KLF6: variants seen among roughly 807,000 people sequenced by gnomAD.
The protein encoded by KLF6 is KLF transcription factor 6.
For missense variants in KLF6, 233 were observed against 359.8 expected (o/e 0.65, Z 2.85); for synonymous variants, 152 against 147.9 (o/e 1.03, Z -0.20).
rs1832457177 is a variant in KLF6, at chr10:3,778,946, A to G, written c.*593T>C. The G allele has an allele frequency of 1.9e-6, 1 of 534,608 alleles. No homozygotes were observed. The highest frequency in any genetic ancestry group is 3.6e-6 in the Non-Finnish European group (1 of 276,554). The allele number at this position is 534,608 out of a possible 1,614,324, so 33.1% of individuals were successfully genotyped here. A position where few individuals can be genotyped will look rare whatever the true frequency, so the allele number is the denominator to read the frequency against. ...CCTCTCACACAGAAAAGGGGGAGAG[A>G]GGCTCTCCCTCCCCACACCACTCGC... On this transcript the variant is annotated 3_prime_UTR_variant, in exon 4 of 4. Transcript: ENST00000497571.
chr10:3,777,718 T>A lies in KLF6; in HGVS notation c.*1821A>T, dbSNP rs1354857985. ...GGAATTTTCTAGCTAAACATTCTAG[T>A]TTCTCCTTAAAAAAAATATTTATAT... On this transcript the variant is annotated 3_prime_UTR_variant, in exon 4 of 4. Transcript: ENST00000497571. 2.7e-6 allele frequency: 1 copy of A among 370,268 alleles called. No individual in the cohort carries two copies. Among genetic ancestry groups the A allele is most frequent in the East Asian group, 6.1e-5 (1 of 16,470 alleles). The allele number at this position is 370,268 out of a possible 1,614,324, so 22.9% of individuals were successfully genotyped here. A position where few individuals can be genotyped will look rare whatever the true frequency, so the allele number is the denominator to read the frequency against.
Position 3,778,347 on chromosome 10 carries a change from A to G in KLF6, c.*1192T>C. 1 of 525,210 alleles carries G rather than the reference A, an allele frequency of 1.9e-6. No individual in the cohort carries two copies. Among genetic ancestry groups the G allele is most frequent in the Non-Finnish European group, 3.7e-6 (1 of 270,664 alleles). The allele number at this position is 525,210 out of a possible 1,614,324, so 32.5% of individuals were successfully genotyped here. On this transcript the variant is annotated 3_prime_UTR_variant, in exon 4 of 4. Transcript: ENST00000497571. ...GCTAGAAAACCAGAAATTAGTCCTC[A>G]AGGCATAAATAAGAGAAACATAGCT...
rs1191776153 is a variant in KLF6, at chr10:3,776,043, G to T, written c.*3496C>A. On this transcript the variant is annotated 3_prime_UTR_variant, in exon 4 of 4. Coordinates refer to ENST00000497571, the MANE Select transcript of KLF6 (RefSeq NM_001300.6). ...TTTCTGCCCTCCTTGACTGAGAGTG[G>T]GCTGAGGTTGTGAGAACAGCCCTCT... is the stretch of plus-strand genomic sequence containing the variant. The T allele has an allele frequency of 2.0e-6, 1 of 511,478 alleles. No homozygotes were observed. Among genetic ancestry groups the T allele is most frequent in the Non-Finnish European group, 3.9e-6 (1 of 259,062 alleles). The allele number at this position is 511,478 out of a possible 1,614,324, so 31.7% of individuals were successfully genotyped here. A position where few individuals can be genotyped will look rare whatever the true frequency, so the allele number is the denominator to read the frequency against.
In KLF6 at chr10:3,776,098, C is replaced by G. The variant is rs1360397166; in HGVS notation, c.*3441G>C. ...TGGAGTCCCTCTGCCTCCTCCACCC[C>G]TCCCAGACATGCCTCAGCCAGGTGT... On this transcript the variant is annotated 3_prime_UTR_variant, in exon 4 of 4. Transcript: ENST00000497571. 3.8e-6 allele frequency: 2 copies of G among 529,898 alleles called. No homozygotes were observed. Among genetic ancestry groups the G allele is most frequent in the Admixed American group, 2.2e-5 (1 of 44,886 alleles). The allele number at this position is 529,898 out of a possible 1,614,324, so 32.8% of individuals were successfully genotyped here.
rs755877691 is a variant in KLF6, at chr10:3,780,607, C to G, written c.677-378G>C. The stretch of plus-strand genomic sequence containing the variant: ...ATGGCAACTGTTTCTCCCAAACACA[C>G]TTCTGTTCCATCCTCACTTCCCTAT... On this transcript the variant is annotated intron_variant, in intron 2 of 3. Coordinates refer to ENST00000497571, the MANE Select transcript of KLF6 (RefSeq NM_001300.6). The surrounding 1 kb of genome is among the most constrained non-coding windows in gnomAD (Gnocchi z 4.6). 5.6e-6 allele frequency: 2 copies of G among 358,718 alleles called. No individual in the cohort carries two copies. The highest frequency in any genetic ancestry group is 1.1e-5 in the Non-Finnish European group (2 of 183,044). The allele number at this position is 358,718 out of a possible 1,614,324, so 22.2% of individuals were successfully genotyped here.
rs567398721 is a variant in KLF6 at position 3,777,074 on chromosome 10, C to T, written c.*2465G>A. 4.6e-4 allele frequency: 239 copies of T among 516,742 alleles called. 1 individual carries two copies. Among genetic ancestry groups the T allele is most frequent in the Non-Finnish European group, 8.4e-4 (222 of 265,316 alleles). 32.0% of individuals were successfully genotyped at this position (516,742 alleles called of 1,614,324 possible). On this transcript the variant is annotated 3_prime_UTR_variant, in exon 4 of 4. Transcript: ENST00000497571. ...AACTGCCAAAAGAAAACTGCACTTCCCCTCTTAAGTAAAACGAAATGAGTT... is the reference window on the plus strand; with the variant it reads ...AACTGCCAAAAGAAAACTGCACTTCTCCTCTTAAGTAAAACGAAATGAGTT...
chr10:3,777,197 C>T lies in KLF6; in HGVS notation c.*2342G>A. The T allele has an allele frequency of 1.9e-6, 1 of 516,402 alleles. No homozygotes were observed. Among genetic ancestry groups the T allele is most frequent in the Non-Finnish European group, 3.8e-6 (1 of 265,072 alleles). The allele number at this position is 516,402 out of a possible 1,614,324, so 32.0% of individuals were successfully genotyped here. On this transcript the variant is annotated 3_prime_UTR_variant, in exon 4 of 4. Coordinates refer to ENST00000497571, the MANE Select transcript of KLF6 (RefSeq NM_001300.6). ...CCAGGAAGATCAAACAAAATACCAG[C>T]CCAGCCAGACTCACATGTGTGTATA...
rs1471358827 is a variant in KLF6, at chr10:3,779,342, C to G, written c.*197G>C. 1.5e-6 allele frequency: 1 copy of G among 681,940 alleles called. No individual in the cohort carries two copies. Among genetic ancestry groups the G allele is most frequent in the African/African-American group, 1.8e-5 (1 of 56,836 alleles). The allele number at this position is 681,940 out of a possible 1,614,324, so 42.2% of individuals were successfully genotyped here. The stretch of plus-strand genomic sequence containing the variant: ...CCAGTGGCGAGTCCAGGGTCACCCA[C>G]ATACCATGCACCACGGGTGCTATGC... On this transcript the variant is annotated 3_prime_UTR_variant, in exon 4 of 4. Transcript: ENST00000497571.
At position 3,782,183 on chromosome 10, in the gene KLF6, C is replaced by T; in HGVS notation, c.134G>A (p.Ser45Asn). The part of the protein sequence containing the change: ...TCLELERYLQ[S>N]EPCYVSASEI... ...TGAGGCTGAAACATAGCAGGGCTCGCTCTGGAGGTAACGTTCCAGCTCTAG... is the reference window on the plus strand; with the variant it reads ...TGAGGCTGAAACATAGCAGGGCTCGTTCTGGAGGTAACGTTCCAGCTCTAG... Residue 45 changes from serine to asparagine, a missense_variant, in exon 2 of 4, where the codon AGC (serine) becomes AAC (asparagine). Coordinates refer to ENST00000497571, the MANE Select transcript of KLF6 (RefSeq NM_001300.6). The surrounding 1 kb of genome is among the most constrained non-coding windows in gnomAD (Gnocchi z 4.3). 6.2e-7 allele frequency: 1 copy of T among 1,609,346 alleles called. No individual in the cohort carries two copies. Among genetic ancestry groups the T allele is most frequent in the Non-Finnish European group, 8.5e-7 (1 of 1,180,018 alleles).
Position 3,782,063 on chromosome 10 carries a change from G to A in KLF6, c.254C>T (p.Pro85Leu). ...EESELKISSS[P>L]PEDTLISPSF... Reference sequence around the variant, plus strand: ...CGGGCTGATGAGAGTGTCCTCTGGAGGACTGGAAGATATCTTCAGTTCGGA... The same window carrying A: ...CGGGCTGATGAGAGTGTCCTCTGGAAGACTGGAAGATATCTTCAGTTCGGA... Residue 85 changes from proline (P) to leucine (L), a missense_variant, in exon 2 of 4, where the codon CCT becomes CTT. Pro to Leu is a moderately conservative substitution (Grantham distance 98). Transcript: ENST00000497571. The surrounding 1 kb of genome is among the most constrained non-coding windows in gnomAD (Gnocchi z 4.3). 1 of 1,614,174 alleles carries A rather than the reference G, an allele frequency of 6.2e-7. No homozygotes were observed. The highest frequency in any genetic ancestry group is 8.5e-7 in the Non-Finnish European group (1 of 1,180,018).
Position 3,776,851 on chromosome 10 carries a change from G to A in KLF6, c.*2688C>T, listed in dbSNP as rs1239050365. 1.7e-5 allele frequency: 9 copies of A among 526,912 alleles called. No individual in the cohort carries two copies. Among genetic ancestry groups the A allele is most frequent in the Non-Finnish European group, 3.3e-5 (9 of 272,414 alleles). The allele number at this position is 526,912 out of a possible 1,614,324, so 32.6% of individuals were successfully genotyped here. ...TTATGAAAATCACAGGCATTGACAG[G>A]TACGGTACCCAGCCCCACCCAGGCA... On this transcript the variant is annotated 3_prime_UTR_variant, in exon 4 of 4. Transcript: ENST00000497571.
chr10:3,780,009 G>A lies in KLF6; in HGVS notation c.800+97C>T, dbSNP rs1832484673. 2 of 1,455,010 alleles carry A rather than the reference G, an allele frequency of 1.4e-6. No homozygotes were observed. The highest frequency in any genetic ancestry group is 1.1e-5 in the South Asian group (1 of 87,668). 90.1% of individuals were successfully genotyped at this position (1,455,010 alleles called of 1,614,324 possible). ...AATGTTCACACATAGGAAACTGCATGCCTTCCTTCGAATGTGCCCTGCACA... is the reference window on the plus strand; with the variant it reads ...AATGTTCACACATAGGAAACTGCATACCTTCCTTCGAATGTGCCCTGCACA... On this transcript the variant is annotated intron_variant, in intron 3 of 3. Transcript: ENST00000497571. The surrounding 1 kb of genome is among the most constrained non-coding windows in gnomAD (Gnocchi z 4.6).
rs1454617387 is a variant in KLF6, at chr10:3,781,420, T to C, written c.676+221A>G. On this transcript the variant is annotated intron_variant, in intron 2 of 3. Transcript: ENST00000497571. This position sits in a 1 kb window ranked among gnomAD's most constrained non-coding sequence, Gnocchi z 5.8. Reference sequence around the variant, plus strand: ...AGGATCTAGTCTCTTGTTTGTTTAATCTGAAAATTGTTACACATTTATCCA... The same window carrying C: ...AGGATCTAGTCTCTTGTTTGTTTAACCTGAAAATTGTTACACATTTATCCA... 4 of 1,506,474 alleles carry C rather than the reference T, an allele frequency of 2.7e-6. No homozygotes were observed. Among genetic ancestry groups the C allele is most frequent in the Non-Finnish European group, 3.6e-6 (4 of 1,125,886 alleles). 93.3% of individuals were successfully genotyped at this position (1,506,474 alleles called of 1,614,324 possible).
chr10:3,782,171 T>C lies in KLF6; in HGVS notation c.146A>G (p.Tyr49Cys), dbSNP rs1832543821. The C allele has an allele frequency of 1.2e-6, 2 of 1,611,484 alleles. No homozygotes were observed. The highest frequency in any genetic ancestry group is 1.7e-6 in the Non-Finnish European group (2 of 1,180,026). The change falls in exon 2 of 4, where the codon TAT becomes TGT. Residue 49 changes from tyrosine to cysteine, a missense_variant. Transcript: ENST00000497571. This position sits in a 1 kb window ranked among gnomAD's most constrained non-coding sequence, Gnocchi z 4.3. The stretch of plus-strand genomic sequence containing the variant: ...AAATTTGATTTCTGAGGCTGAAACA[T>C]AGCAGGGCTCGCTCTGGAGGTAACG... ...LERYLQSEPCYVSASEIKFDS... is the reference protein window; with the variant it reads ...LERYLQSEPCCVSASEIKFDS...
At chr10:3,784,182 C>CTT (rs1336809059) in intron 1 of KLF6, among the ~76,000 whole-genome samples, 1 of 152,104 alleles carries the variant, frequency 6.6e-6, no homozygotes, top group East Asian at 1.9e-4. Flanking sequence ...GCGATGCTAC[C>CTT]TATAAGCACG....
chr10:3,781,595 T>TGGCGCCCACCAGCG lies in KLF6; in HGVS notation c.676+32_676+45dup, dbSNP rs1832521303. 6.2e-7 allele frequency: 1 copy of TGGCGCCCACCAGCG among 1,604,222 alleles called. No homozygotes were observed. The highest frequency in any genetic ancestry group is 8.5e-7 in the Non-Finnish European group (1 of 1,175,282). On this transcript the variant is annotated intron_variant, in intron 2 of 3. Transcript: ENST00000497571. This position sits in a 1 kb window ranked among gnomAD's most constrained non-coding sequence, Gnocchi z 5.8. Reference sequence around the variant, plus strand: ...TCCCTCCAGGGCTGGTGCAATGCAGTGGCGCCCACCAGCGGCCGCCCTCCG... The same window carrying TGGCGCCCACCAGCG: ...TCCCTCCAGGGCTGGTGCAATGCAGTGGCGCCCACCAGCGGGCGCCCACCAGCGGCCGCCCTCCG...
intron 1 of KLF6, chr10:3,783,366 A>C (rs1289859247): frequency 6.6e-6 from 1 of 152,254 alleles, no homozygotes; most frequent in East Asian, 1.9e-4. Flanking sequence ...CTGCATGTCC[A>C]TATAAGGTTG....
Position 3,780,760 on chromosome 10 carries a change from C to T in KLF6, c.677-531G>A, listed in dbSNP as rs1832498289. 5.2e-6 allele frequency: 1 copy of T among 192,170 alleles called. No homozygotes were observed. Among genetic ancestry groups the T allele is most frequent in the Admixed American group, 5.3e-5 (1 of 18,934 alleles). 11.9% of individuals were successfully genotyped at this position (192,170 alleles called of 1,614,324 possible). A position where few individuals can be genotyped will look rare whatever the true frequency, so the allele number is the denominator to read the frequency against. Reference sequence around the variant, plus strand: ...TAAATGGCAATTGAACAACTGGGTTCACTTCATTCCTTGGTCAAATCATAA... The same window carrying T: ...TAAATGGCAATTGAACAACTGGGTTTACTTCATTCCTTGGTCAAATCATAA... On this transcript the variant is annotated intron_variant, in intron 2 of 3. Coordinates refer to ENST00000497571, the MANE Select transcript of KLF6 (RefSeq NM_001300.6). The surrounding 1 kb of genome is among the most constrained non-coding windows in gnomAD (Gnocchi z 4.6).
rs937585558 is a variant in KLF6, at chr10:3,782,568, T to C, written c.103-354A>G. On this transcript the variant is annotated intron_variant, in intron 1 of 3. Coordinates refer to ENST00000497571, the MANE Select transcript of KLF6 (RefSeq NM_001300.6). The surrounding 1 kb of genome is among the most constrained non-coding windows in gnomAD (Gnocchi z 4.3). ...AGGAAGAGAACCGGCCCCATACACA[T>C]ACTCCTCCCCAACAGGTTCAACCAG... 6.6e-6 allele frequency among the ~76,000 whole-genome samples: 1 copy of C among 152,192 alleles called. No individual in the cohort carries two copies. The highest frequency in any genetic ancestry group is 1.5e-5 in the Non-Finnish European group (1 of 68,032).
Sources: gnomAD v4.1 joint callset for allele counts (sites outside exome capture counted in the v4.1 genomes callset) on GRCh38, gnomAD v4.1.1 for gene constraint, Gnocchi (gnomAD v3.1) non-coding constraint, MANE v1.5 for transcripts, NCBI Gene and HGNC (gene_info 2026-07-23, HGNC 2026-07-21) for gene names.